Variants in ROBO2 observed in about 807,000 individuals in gnomAD.
ROBO2 encodes the protein roundabout homolog 2.
In ROBO2, 53 loss-of-function variants were observed where a neutral mutation model predicts 160.8. The ratio of observed to expected loss-of-function variants is 0.33; its 90% CI spans 0.26 to 0.41. The LOEUF (loss-of-function observed/expected upper bound fraction) is 0.41. Among genes scored for constraint, ROBO2 ranks in the 10% least tolerant of loss-of-function variants. The probability of loss-of-function intolerance (pLI) is 1.00; values close to 1 mark genes in which losing one functional copy is unlikely to be tolerated. For synonymous variants in ROBO2, 664 were observed against 611.7 expected (o/e 1.09, Z -1.26); for missense variants, 1,577 against 1,722.4 (o/e 0.92, Z 1.49).
intron 2 of ROBO2, among the ~76,000 whole-genome samples, chr3:76,660,138 C>T (rs1338597581): frequency 6.6e-6 from 1 of 152,042 alleles, no homozygotes; most frequent in African/African-American, 2.4e-5. Flanking sequence ...TAATTTTATG[C>T]TTGTGAAATC....
intron 2 of ROBO2, among the ~76,000 whole-genome samples, chr3:76,224,597 A>G (rs760599223): frequency 2.0e-5 from 3 of 152,220 alleles, no homozygotes; most frequent in Non-Finnish European, 4.4e-5. Flanking sequence ...ACATGCAGAT[A>G]TAATGTTTTA....
intron 2 of ROBO2, among the ~76,000 whole-genome samples, chr3:76,216,568 A>G (rs1485369332): frequency 2.6e-5 from 4 of 152,222 alleles, no homozygotes; most frequent in African/African-American, 9.7e-5. Flanking sequence ...AAAGAAGGCC[A>G]TTACGTAATG....
intron 2 of ROBO2, among the ~76,000 whole-genome samples, chr3:77,219,383 AT>A (rs1321842201): frequency 1.4e-5 from 2 of 141,942 alleles, no homozygotes; most frequent in African/African-American, 5.2e-5. Flanking sequence ...ATTAAGCTTT[AT>A]TTTATGTGTA....
chr3:77,274,133 T>C (rs2059676178), intron 2 of ROBO2, among the ~76,000 whole-genome samples: 1 of 152,166 alleles, frequency 6.6e-6, no homozygotes, highest in South Asian at 2.1e-4. Context: ...GAAGTATAAA[T>C]TTTAAACCAA....
intron 2 of ROBO2, among the ~76,000 whole-genome samples, chr3:76,022,600 G>A (rs984016408): frequency 6.6e-6 from 1 of 151,698 alleles, no homozygotes. Context: ...TCAATGAACA[G>A]CAATATTTTG....
At chr3:77,053,917 T>G (rs1380868194) in intron 1 of ROBO2, among the ~76,000 whole-genome samples, 1 of 152,196 alleles carries the variant, frequency 6.6e-6, no homozygotes, top group Non-Finnish European at 1.5e-5. Flanking sequence ...GAGTGTTATA[T>G]CCCAGTTTAA....
chr3:76,042,772 T>C lies in ROBO2; in HGVS notation c.109+105170T>C, dbSNP rs186279080. On this transcript the variant is annotated intron_variant, in intron 2 of 26. Transcript: ENST00000487694. ...ATTTCAGGCATTGTATGGAAGAACA[T>C]TGTGAAACTCCCTGCTCTGTTCTGT... 1.8e-3 allele frequency among the ~76,000 whole-genome samples: 277 copies of C among 152,136 alleles called. 2 individuals carry two copies. The highest frequency in any genetic ancestry group is 5.7e-3 in the Admixed American group (87 of 15,300).
At chr3:76,103,863 C>A (rs1450118792) in intron 2 of ROBO2, among the ~76,000 whole-genome samples, 3 of 152,182 alleles carry the variant, frequency 2.0e-5, no homozygotes. Context: ...GGGGCTGCTG[C>A]TGTTGACGCA....
At chr3:76,772,509 G>T (rs2061971521) in intron 2 of ROBO2, among the ~76,000 whole-genome samples, 1 of 125,176 alleles carries the variant, frequency 8.0e-6, no homozygotes, top group East Asian at 2.3e-4. Context: ...TTATACCTTG[G>T]GTTTTTTCTT....
At chr3:76,921,431 G>A (rs1241902275) in intron 2 of ROBO2, among the ~76,000 whole-genome samples, 2 of 152,088 alleles carry the variant, frequency 1.3e-5, no homozygotes, top group Non-Finnish European at 2.9e-5. Flanking sequence ...GACCAACATG[G>A]TGAAATCCCA....
At chr3:76,346,008 A>G (rs1027857952) in intron 2 of ROBO2, among the ~76,000 whole-genome samples, 1 of 151,906 alleles carries the variant, frequency 6.6e-6, no homozygotes, top group African/African-American at 2.4e-5. Context: ...GGCAGGCTCT[A>G]TGGGGGTTCT....
intron 2 of ROBO2, among the ~76,000 whole-genome samples, chr3:76,652,461 C>A (rs1343068458): frequency 1.3e-5 from 2 of 152,148 alleles, no homozygotes; most frequent in African/African-American, 2.4e-5. Flanking sequence ...ATCCAGCTCT[C>A]TGGACACCAC....
At chr3:76,792,455 C>T (rs749500542) in intron 2 of ROBO2, among the ~76,000 whole-genome samples, 22 of 151,540 alleles carry the variant, frequency 1.5e-4, no homozygotes, top group Non-Finnish European at 2.2e-4. Flanking sequence ...GAATACTGTA[C>T]GAGCTGTTAT....
intron 1 of ROBO2, among the ~76,000 whole-genome samples, chr3:77,049,316 G>A (rs1157163216): frequency 6.6e-6 from 1 of 152,010 alleles, no homozygotes; most frequent in Non-Finnish European, 1.5e-5. Context: ...GGTGACAGAG[G>A]CCCCGTCTCC....
At chr3:77,604,385 T>C (rs553520025) in intron 20 of ROBO2, among the ~76,000 whole-genome samples, 2 of 152,290 alleles carry the variant, frequency 1.3e-5, no homozygotes, top group East Asian at 3.9e-4. Context: ...AATAAATCTA[T>C]ATACTATAAT....
intron 2 of ROBO2, among the ~76,000 whole-genome samples, chr3:77,103,790 A>G (rs2072391667): frequency 6.6e-6 from 1 of 152,178 alleles, no homozygotes; most frequent in Non-Finnish European, 1.5e-5. Flanking sequence ...AATTAAATTG[A>G]TGGTTTATCT....
intron 2 of ROBO2, among the ~76,000 whole-genome samples, chr3:76,481,900 TACAA>T (rs1238427049): frequency 6.6e-6 from 1 of 152,118 alleles, no homozygotes; most frequent in Non-Finnish European, 1.5e-5. Flanking sequence ...CCAGGCAGAA[TACAA>T]ACAGTTACTT....
At chr3:76,348,723 G>A (rs1314738881) in intron 2 of ROBO2, among the ~76,000 whole-genome samples, 1 of 152,086 alleles carries the variant, frequency 6.6e-6, no homozygotes, top group Non-Finnish European at 1.5e-5. Context: ...TTTCAGCACT[G>A]GAGGAATTTA....
chr3:77,389,781 CA>C (rs2074522460), intron 2 of ROBO2, among the ~76,000 whole-genome samples: 1 of 151,762 alleles, frequency 6.6e-6, no homozygotes, highest in Non-Finnish European at 1.5e-5. Context: ...ACTATTTCAG[CA>C]AGACCATGAC....
Sources: gnomAD v4.1 joint callset for allele counts (sites outside exome capture counted in the v4.1 genomes callset) on GRCh38, gnomAD v4.1.1 for gene constraint, MANE v1.5 for transcripts, NCBI Gene and HGNC (gene_info 2026-07-23, HGNC 2026-07-21) for gene names.